MYH15: variants seen among roughly 807,000 people sequenced by gnomAD.
MYH15 encodes myosin-15.
In MYH15, 227 loss-of-function variants were observed where a neutral mutation model predicts 240.5. The ratio of observed to expected loss-of-function variants is 0.94; its 90% CI spans 0.85 to 1.05. The LOEUF (loss-of-function observed/expected upper bound fraction) is 1.05, where lower values mean the gene tolerates loss of function less well. Ranked by LOEUF, MYH15 falls within the 50% of genes least tolerant of loss-of-function variation. The pLI is 0.00. For missense variants in MYH15, 2,217 were observed against 2,247.5 expected (o/e 0.99, Z 0.27); for synonymous variants, 785 against 796.7 (o/e 0.99, Z 0.25).
chr3:108,471,095 G>A (rs2083172099), intron 12 of MYH15, among the ~76,000 whole-genome samples: 1 of 146,902 alleles, frequency 6.8e-6, no homozygotes, highest in Non-Finnish European at 1.5e-5. Flanking sequence ...AAGGAAAGAA[G>A]GGAGGGAGGG....
rs1179308534 is a variant in MYH15 at position 108,493,181 on chromosome 3, G to C, written c.712-4C>G. On this transcript the variant is annotated splice_polypyrimidine_tract_variant and splice_region_variant and intron_variant, in intron 7 of 40. Transcript: ENST00000693548. ...AGTGCATCCTGATGAATTTGCCCTA[G>C]TGTGGACACAGAACACAGTCAGACA... 1 of 1,613,666 alleles carries C rather than the reference G, an allele frequency of 6.2e-7. No individual in the cohort carries two copies. The highest frequency in any genetic ancestry group is 1.7e-5 in the Admixed American group (1 of 60,008).
At chr3:108,526,580 A>G (rs1043774485) in intron 1 of MYH15, among the ~76,000 whole-genome samples, 3 of 152,196 alleles carry the variant, frequency 2.0e-5, no homozygotes, top group African/African-American at 7.2e-5. Flanking sequence ...AAGACCCCTG[A>G]TAGTTACTTG....
intron 2 of MYH15, among the ~76,000 whole-genome samples, chr3:108,504,038 G>T (rs1463796573): frequency 6.6e-6 from 1 of 152,184 alleles, no homozygotes; most frequent in Non-Finnish European, 1.5e-5. Context: ...AGTGAAAGAA[G>T]CCAGAAACAA....
In MYH15 at chr3:108,485,111, A is replaced by G; in HGVS notation, c.1094T>C (p.Leu365Pro). The G allele has an allele frequency of 6.2e-7, 1 of 1,614,110 alleles. No individual in the cohort carries two copies. Among genetic ancestry groups the G allele is most frequent in the African/African-American group, 1.3e-5 (1 of 75,046 alleles). The change falls in exon 11 of 41, where the codon CTG becomes CCG. Residue 365 changes from leucine (L) to proline (P), a missense_variant. Leu to Pro is a moderately conservative substitution (Grantham distance 98). Transcript: ENST00000693548. ...KFKQKPREEQ[L>P]EADGTENADK... ...CTTACTTTCTGTGCCATCTGCTTCC[A>G]GTTGCTCTTCTCTAGGTTTCTGTTT...
At chr3:108,516,600 T>C (rs2083574566) in intron 1 of MYH15, among the ~76,000 whole-genome samples, 1 of 152,212 alleles carries the variant, frequency 6.6e-6, no homozygotes, top group South Asian at 2.1e-4. Flanking sequence ...GTATTCATGC[T>C]GCTGGGATAA....
At chr3:108,418,053 A>G (rs975995343) in intron 28 of MYH15, among the ~76,000 whole-genome samples, 2 of 152,202 alleles carry the variant, frequency 1.3e-5, no homozygotes, top group African/African-American at 4.8e-5. Flanking sequence ...TTGGCAACAA[A>G]TGTTGTCAGT....
chr3:108,521,057 A>G (rs2083614520), intron 1 of MYH15, among the ~76,000 whole-genome samples: 1 of 152,076 alleles, frequency 6.6e-6, no homozygotes, highest in Non-Finnish European at 1.5e-5. Flanking sequence ...TTCAAAATAT[A>G]TTCTTGTAAT....
At chr3:108,547,778 C>T in the MYH15 span, among the ~76,000 whole-genome samples, 1 of 152,148 alleles carries the variant, frequency 6.6e-6, no homozygotes. Context: ...AAAATATCCA[C>T]TTGGCAACCA....
intron 28 of MYH15, among the ~76,000 whole-genome samples, chr3:108,417,846 C>T (rs2082647302): frequency 6.6e-6 from 1 of 151,896 alleles, no homozygotes; most frequent in Admixed American, 6.6e-5. Context: ...CTTAAACACA[C>T]ACATATATAC....
chr3:108,425,586 G>C (rs2082719367), intron 27 of MYH15, among the ~76,000 whole-genome samples: 1 of 152,216 alleles, frequency 6.6e-6, no homozygotes, highest in African/African-American at 2.4e-5. Context: ...AGAAGTGGTT[G>C]AGACTTAGAA....
chr3:108,442,430 A>G (rs1185657135), intron 22 of MYH15, among the ~76,000 whole-genome samples: 1 of 152,200 alleles, frequency 6.6e-6, no homozygotes, highest in Non-Finnish European at 1.5e-5. Context: ...GGAAGGGTCA[A>G]TGCAAATCAG....
In MYH15 at chr3:108,507,314, A is replaced by G. The variant is rs7616593; in HGVS notation, c.89-1485T>C. ...ATGAGCCTTAGTAGAAGCTCACAGA[A>G]GTCCCCAGGTCACAGCTACTCAGGT... On this transcript the variant is annotated intron_variant, in intron 1 of 40. Transcript: ENST00000693548. Among the ~76,000 whole-genome samples, 924 of 145,472 alleles carry G rather than the reference A, an allele frequency of 6.4e-3. 12 individuals are homozygous for G. Among genetic ancestry groups the G allele is most frequent in the African/African-American group, 0.02 (747 of 37,986 alleles).
rs764306259 is a variant in MYH15, at chr3:108,493,046, G to GAAGT, written c.775+67_775+68insACTT. The stretch of plus-strand genomic sequence containing the variant: ...AAAAGGAAGGAAGGAAGGAAGGAAG[G>GAAGT]AAAGAGAAGGGAAGGGAAGGAAGGG... On this transcript the variant is annotated intron_variant, in intron 8 of 40. Transcript: ENST00000693548. The GAAGT allele has an allele frequency of 2.3e-6, 3 of 1,282,534 alleles. No homozygotes were observed. In the African/African-American group the frequency reaches 4.5e-5, roughly 19 times the overall value. The allele number at this position is 1,282,534 out of a possible 1,614,324, so 79.4% of individuals were successfully genotyped here.
chr3:108,476,359 G>T, intron 12 of MYH15, 38 bp downstream of exon 12: 2 of 1,219,072 alleles, frequency 1.6e-6, no homozygotes, highest in Non-Finnish European at 2.4e-6. Context: ...ATTATTGGAA[G>T]ATCATAGAAT....
intron 16 of MYH15, among the ~76,000 whole-genome samples, chr3:108,462,145 G>T (rs190596338): frequency 1.3e-5 from 2 of 152,234 alleles, no homozygotes; most frequent in Admixed American, 1.3e-4. Context: ...AGAGGCTGTC[G>T]ATCTGTGACT....
At position 108,501,978 on chromosome 3, in the gene MYH15, C is replaced by G. The variant is rs950071241; in HGVS notation, c.196-123G>C. 3 of 1,050,520 alleles carry G rather than the reference C, an allele frequency of 2.9e-6. 1 individual carries two copies. The highest frequency in any genetic ancestry group is 4.4e-5 in the Admixed American group (2 of 45,822). The allele number at this position is 1,050,520 out of a possible 1,614,324, so 65.1% of individuals were successfully genotyped here. On this transcript the variant is annotated intron_variant, in intron 2 of 40. Transcript: ENST00000693548. ...AATGATGCCTCATTAGGGGATGGGG[C>G]CAGAAGAAATTAAGCCAGCCTTCAT...
At chr3:108,500,316 A>T in intron 3 of MYH15, 42 bp from the exon 4 acceptor site, 1 of 1,581,260 alleles carries the variant, frequency 6.3e-7, no homozygotes, top group South Asian at 1.2e-5. Flanking sequence ...TAGATTAGAA[A>T]TACTTCCAGG....
chr3:108,388,290 T>C (rs1442621046), intron 38 of MYH15, among the ~76,000 whole-genome samples: 2 of 152,182 alleles, frequency 1.3e-5, no homozygotes, highest in Non-Finnish European at 2.9e-5. Context: ...AGAGAATCTA[T>C]GTTGACTGCA....
At chr3:108,534,038 C>CT (rs2083730151), upstream of MYH15, among the ~76,000 whole-genome samples, 12 of 152,138 alleles carry the variant, frequency 7.9e-5, no homozygotes, top group Admixed American at 7.9e-4. Context: ...ATTTGAAGAG[C>CT]TTTTTTGAAA....
Sources: gnomAD v4.1 joint callset for allele counts (sites outside exome capture counted in the v4.1 genomes callset) on GRCh38, gnomAD v4.1.1 for gene constraint, MANE v1.5 for transcripts, NCBI Gene and HGNC (gene_info 2026-07-23, HGNC 2026-07-21) for gene names.